Variants in MBD2 observed in about 807,000 individuals in gnomAD.
MBD2 encodes methyl-CpG-binding domain protein 2.
A neutral mutation model predicts 39.3 loss-of-function variants in MBD2; 9 were observed. That is an observed-to-expected ratio of 0.23 (90% CI 0.14 to 0.40). The LOEUF (loss-of-function observed/expected upper bound fraction) is 0.40, where lower values mean the gene tolerates loss of function less well. MBD2 is among the 10% of genes least tolerant of loss of function. The pLI, the probability that MBD2 is intolerant of heterozygous loss-of-function variation, is 1.00. For missense variants in MBD2, 458 were observed against 532.6 expected (o/e 0.86, Z 1.38); for synonymous variants, 233 against 211.1 (o/e 1.10, Z -0.90).
In MBD2 at chr18:54,212,801, G is replaced by A. The variant is rs1048158790; in HGVS notation, c.543-7644C>T. Among the ~76,000 whole-genome samples the A allele has an allele frequency of 3.3e-5, 5 of 152,008 alleles. No homozygotes were observed. In the South Asian group the frequency reaches 6.2e-4, roughly 19 times the overall value. ...TTCCAGTACTTTGGGAAGCCGAGGC[G>A]GACAGATCACTTAAGCCATGAGTTC... On this transcript the variant is annotated intron_variant, in intron 1 of 6. Coordinates refer to ENST00000256429, the MANE Select transcript of MBD2 (RefSeq NM_003927.5).
At chr18:54,194,567 A>G (rs567901797) in intron 2 of MBD2, among the ~76,000 whole-genome samples, 121 of 152,058 alleles carry the variant, frequency 8.0e-4, no homozygotes, top group African/African-American at 2.8e-3. Flanking sequence ...GTATATATAT[A>G]TATATGTAGC....
In MBD2 at chr18:54,205,098, A is replaced by G. The variant is rs2086438477; in HGVS notation, c.602T>C (p.Val201Ala). 6.2e-7 allele frequency: 1 copy of G among 1,613,886 alleles called. No individual in the cohort carries two copies. The highest frequency in any genetic ancestry group is 1.3e-5 in the African/African-American group (1 of 74,916). ...TCTGAAGTCAAAACTGCTGAGATCA[A>G]CAGTATTTCCCAGGTACCTTGCCAA... Reference protein sequence around the residue: ...PQLARYLGNTVDLSSFDFRTG... With the variant: ...PQLARYLGNTADLSSFDFRTG... The change falls in exon 2 of 7, where the codon GTT becomes GCT. Residue 201 changes from valine (V) to alanine (A), a missense_variant. Around this residue, in one of 2 missense-constraint regions of MBD2, gnomAD observed 189 missense variants for 296.6 expected, o/e 0.64. Coordinates refer to ENST00000256429, the MANE Select transcript of MBD2 (RefSeq NM_003927.5).
chr18:54,219,544 A>G (rs939969388), intron 1 of MBD2, among the ~76,000 whole-genome samples: 16 of 152,228 alleles, frequency 1.1e-4, no homozygotes, highest in African/African-American at 3.4e-4. Context: ...AAAGAAGACA[A>G]TATCAGAAAA....
In MBD2 at chr18:54,205,007, A is replaced by G. The variant is rs370603629; in HGVS notation, c.693T>C (p.Asn231=). The G allele has an allele frequency of 1.2e-6, 2 of 1,613,222 alleles. No individual in the cohort carries two copies. The highest frequency in any genetic ancestry group is 2.2e-5 in the East Asian group (1 of 44,860). ...NKQRLRNDPL[N]QNKGKPDLNT... ...AAGTAAATTAACCAACCTTATTTTG[A>G]TTGAGAGGATCGTTTCGCAGTCTCT... The change falls in exon 2 of 7, where the codon AAT becomes AAC. Residue 231 remains asparagine (N), a synonymous_variant. Coordinates refer to ENST00000256429, the MANE Select transcript of MBD2 (RefSeq NM_003927.5).
intron 2 of MBD2, among the ~76,000 whole-genome samples, chr18:54,195,907 G>A (rs551244917): frequency 1.1e-4 from 16 of 152,276 alleles, no homozygotes; most frequent in South Asian, 2.1e-4. Flanking sequence ...AGGTGTGCCT[G>A]AGTGATACCT....
At chr18:54,156,605 G>A (rs2086053164) in intron 6 of MBD2, among the ~76,000 whole-genome samples, 1 of 152,190 alleles carries the variant, frequency 6.6e-6, no homozygotes, top group Admixed American at 6.5e-5. Flanking sequence ...AGCACTTTGG[G>A]AGGCTGAGAC....
chr18:54,216,378 G>A (rs1403602207), intron 1 of MBD2, among the ~76,000 whole-genome samples: 1 of 152,158 alleles, frequency 6.6e-6, no homozygotes, highest in Non-Finnish European at 1.5e-5. Flanking sequence ...TAACTTTTTG[G>A]ATTAATAGAG....
chr18:54,178,904 C>T (rs1324502068), intron 3 of MBD2, among the ~76,000 whole-genome samples: 1 of 151,896 alleles, frequency 6.6e-6, no homozygotes, highest in Non-Finnish European at 1.5e-5. Context: ...TTATAAAATG[C>T]ACAAATTCCT....
intron 2 of MBD2, among the ~76,000 whole-genome samples, chr18:54,199,699 C>T (rs1190843820): frequency 6.6e-6 from 1 of 152,090 alleles, no homozygotes. Context: ...TTTGTGTAAC[C>T]ATCAGGTACT....
intron 3 of MBD2, among the ~76,000 whole-genome samples, chr18:54,184,208 G>A (rs564103123): frequency 2.2e-4 from 34 of 152,078 alleles, no homozygotes; most frequent in Admixed American, 1.1e-3. Context: ...GACGGGTAGC[G>A]GTCTGTGGCC....
intron 2 of MBD2, chr18:54,202,601 G>T: frequency 2.8e-5 from 14 of 506,664 alleles, no homozygotes; most frequent in Non-Finnish European, 3.7e-5. Context: ...AATAAAATCA[G>T]ATGCAAAAAA....
chr18:54,208,263 C>T (rs2086468066), intron 1 of MBD2, among the ~76,000 whole-genome samples: 1 of 152,090 alleles, frequency 6.6e-6, no homozygotes, highest in African/African-American at 2.4e-5. Context: ...GAGGCCAAGG[C>T]AGGCAGATCA....
chr18:54,214,217 A>G (rs2086536251), intron 1 of MBD2, among the ~76,000 whole-genome samples: 1 of 149,410 alleles, frequency 6.7e-6, no homozygotes, highest in African/African-American at 2.5e-5. Context: ...TTTTTTAGAG[A>G]CAGGGTCTCA....
intron 2 of MBD2, among the ~76,000 whole-genome samples, chr18:54,194,221 G>A (rs2086346010): frequency 2.5e-5 from 1 of 39,998 alleles, no homozygotes; most frequent in South Asian, 5.6e-4. Flanking sequence ...GAATTTAAAT[G>A]CTAATATTTA....
At chr18:54,194,724 T>C (rs1046631074) in intron 2 of MBD2, among the ~76,000 whole-genome samples, 1 of 152,058 alleles carries the variant, frequency 6.6e-6, no homozygotes, top group African/African-American at 2.4e-5. Flanking sequence ...CATTAATGAG[T>C]AGATAGAATG....
rs573464789 is a variant in MBD2 at position 54,179,050 on chromosome 18, C to T, written c.840+9824G>A. On this transcript the variant is annotated intron_variant, in intron 3 of 6. Transcript: ENST00000256429. ...ACAAAATTTTTAAAAACTAGCCAGG[C>T]GTGGTGGTGTGCACCTGTAGTCCCA... Among the ~76,000 whole-genome samples, 11 of 152,226 alleles carry T rather than the reference C, an allele frequency of 7.2e-5. No individual in the cohort carries two copies. The East Asian group carries it at 1.7e-3, about 24-fold the overall frequency.
At chr18:54,164,394 TAAAAA>T (rs1255049934) in intron 5 of MBD2, 124 bp downstream of exon 5, 8 of 806,386 alleles carry the variant, frequency 9.9e-6, no homozygotes, top group Non-Finnish European at 1.5e-5. Context: ...AAAACTCTGT[TAAAAA>T]AGAAAAGTAT....
intron 5 of MBD2, among the ~76,000 whole-genome samples, chr18:54,163,598 T>C (rs980920856): frequency 1.4e-4 from 22 of 152,148 alleles, no homozygotes; most frequent in Admixed American, 3.3e-4. Flanking sequence ...CAATCTGAGC[T>C]GGATGTTTTC....
rs565457822 is a variant in MBD2, at chr18:54,194,557, G to GTGTATATATATATA, written c.703-5547_703-5546insTATATATATATACA. ...ACATATATAGAAGTTGTGTGTGTGT[G>GTGTATATATATATA]TATATATATATATATGTAGCTTAAT... On this transcript the variant is annotated intron_variant, in intron 2 of 6. Coordinates refer to ENST00000256429, the MANE Select transcript of MBD2 (RefSeq NM_003927.5). Among the ~76,000 whole-genome samples the GTGTATATATATATA allele has an allele frequency of 2.0e-3, 293 of 148,760 alleles. 1 individual carries two copies. Among genetic ancestry groups the GTGTATATATATATA allele is most frequent in the African/African-American group, 6.9e-3 (280 of 40,562 alleles).
Sources: allele counts gnomAD v4.1 joint callset (sites outside exome capture counted in the v4.1 genomes callset), GRCh38; gene constraint gnomAD v4.1.1; regional missense constraint gnomAD v4.1.1; transcripts MANE v1.5; gene names NCBI Gene and HGNC (gene_info 2026-07-23, HGNC 2026-07-21).